Variants in ANKRD35 observed in about 807,000 individuals in gnomAD.
ANKRD35 encodes ankyrin repeat domain 35, also known as ankyrin repeat domain-containing protein 35.
ANKRD35 carries 102 observed loss-of-function variants against 109.9 expected under a neutral mutation model. The observed-to-expected ratio is 0.93, with a 90% CI of 0.79 to 1.09. The LOEUF (loss-of-function observed/expected upper bound fraction) is 1.09. Ranked by LOEUF, ANKRD35 falls within the 50% of genes least tolerant of loss-of-function variation. ANKRD35 has a pLI of 0.00. For synonymous variants in ANKRD35, 515 were observed against 512.4 expected, an observed-to-expected ratio of 1.01 and a Z score of -0.07; for missense variants, 1,240 against 1,230.1, an observed-to-expected ratio of 1.01 and a Z score of -0.12.
At chr1:145,871,146 CTTT>C (rs1553738531) in intron 10 of ANKRD35, among the ~76,000 whole-genome samples, 7 of 51,566 alleles carry the variant, frequency 1.4e-4, no homozygotes, top group East Asian at 7.1e-4. Context: ...TCTTTCTTTT[CTTT>C]TTTCTTTTTT....
Position 145,876,548 on chromosome 1 carries a change from A to T in ANKRD35, c.453+21T>A, listed in dbSNP as rs782097484. 1.4e-5 allele frequency: 22 copies of T among 1,614,130 alleles called. 2 individuals are homozygous for T. In the South Asian group the frequency reaches 2.4e-4, roughly 18 times the overall value. ...AGCCCTTCTGTGTAGGACACTGCCC[A>T]CTTGCCCATCTGACACTCACATTAT... On this transcript the variant is annotated intron_variant, in intron 6 of 13. Transcript: ENST00000355594.
intron 10 of ANKRD35, among the ~76,000 whole-genome samples, chr1:145,869,474 G>C (rs185155809): frequency 1.2e-4 from 18 of 149,870 alleles, no homozygotes; most frequent in African/African-American, 4.4e-4. Context: ...GAGCCACTGC[G>C]CCCAGCCTGT....
chr1:145,869,425 G>A (rs1299003808), intron 10 of ANKRD35, among the ~76,000 whole-genome samples: 1 of 151,786 alleles, frequency 6.6e-6, no homozygotes, highest in South Asian at 2.1e-4. Flanking sequence ...CAGGTGATCC[G>A]CCCACCTCAG....
In ANKRD35 at chr1:145,873,000, C is replaced by T; in HGVS notation, c.1769G>A (p.Gly590Glu). The T allele has an allele frequency of 6.2e-7, 1 of 1,610,176 alleles. No homozygotes were observed. The highest frequency in any genetic ancestry group is 8.5e-7 in the Non-Finnish European group (1 of 1,178,386). ...QDEEKEKRVP[G>E]AQGEPLGALG... Reference sequence around the variant, plus strand: ...GGCCCCTAGAGGCTCTCCTTGAGCCCCAGGAACCCTTTTCTCCTTCTCTTC... The same window carrying T: ...GGCCCCTAGAGGCTCTCCTTGAGCCTCAGGAACCCTTTTCTCCTTCTCTTC... Residue 590 changes from glycine to glutamate, a missense_variant, in exon 10 of 14, where the codon GGG (glycine) becomes GAG (glutamate). Transcript: ENST00000355594.
Position 145,876,131 on chromosome 1 carries a change from G to A in ANKRD35, c.560+9C>T, listed in dbSNP as rs367678777. On this transcript the variant is annotated intron_variant, in intron 7 of 13. Coordinates refer to ENST00000355594, the MANE Select transcript of ANKRD35 (RefSeq NM_144698.5). ...TGGGAATTGGGGTGCATAGACGAGG[G>A]GGGCTCACTTGTCATTCTTGTCTGT... 18 of 1,612,956 alleles carry A rather than the reference G, an allele frequency of 1.1e-5. No individual in the cohort carries two copies. Among genetic ancestry groups the A allele is most frequent in the Non-Finnish European group, 1.4e-5 (17 of 1,179,548 alleles).
At chr1:145,867,898 A>T (rs935075860) in intron 12 of ANKRD35, 93 bp downstream of exon 12, 19 of 1,242,614 alleles carry the variant, frequency 1.5e-5, no homozygotes. Context: ...GCAAGTGTGT[A>T]CAGGGACCCT....
chr1:145,872,473 C>G lies in ANKRD35; in HGVS notation c.2296G>C (p.Glu766Gln). 6.3e-7 allele frequency: 1 copy of G among 1,599,736 alleles called. No individual in the cohort carries two copies. Among genetic ancestry groups the G allele is most frequent in the Admixed American group, 1.8e-5 (1 of 56,716 alleles). Residue 766 changes from glutamate (E) to glutamine (Q), a missense_variant, in exon 10 of 14, where the codon GAG becomes CAG. Coordinates refer to ENST00000355594, the MANE Select transcript of ANKRD35 (RefSeq NM_144698.5). ...QLRGSLSPCR[E>Q]PGTSLKAPAS... is the part of the protein sequence containing the mutation. ...GGGGCCTTTAAGGAGGTGCCTGGCT[C>G]CCTACACGGGGACAAGGACCCCCGC... is the stretch of plus-strand genomic sequence containing the variant.
rs782138537 is a variant in ANKRD35 at position 145,872,626 on chromosome 1, C to T, written c.2143G>A (p.Glu715Lys). 9 of 1,613,994 alleles carry T rather than the reference C, an allele frequency of 5.6e-6. No individual in the cohort carries two copies. Among genetic ancestry groups the T allele is most frequent in the Non-Finnish European group, 7.6e-6 (9 of 1,179,928 alleles). ...GCTGCTTTGCTTTGTGCACTCCTCT[C>T]GCCCACTAGGTCTGCGGGCAGGCAG... Reference protein sequence around the residue: ...WDCLPADLVGERSAQSKAAES... With the variant: ...WDCLPADLVGKRSAQSKAAES... The change falls in exon 10 of 14, where the codon GAG (glutamate) becomes AAG (lysine). Residue 715 changes from glutamate (E) to lysine (K), a missense_variant. Glu to Lys is a moderately conservative substitution (Grantham distance 56, BLOSUM62 1). Transcript: ENST00000355594.
Position 145,872,684 on chromosome 1 carries a change from G to A in ANKRD35, c.2085C>T (p.Ala695=). ...EATEKLRKLL[A]SQSSGLRGLW... is the part of the protein sequence containing the mutation. ...GCCCTCGGAGACCGCTGCTCTGGGA[G>A]GCCAGGAGCTTCCGCAGCTTCTCTG... is the stretch of plus-strand genomic sequence containing the variant. Residue 695 remains alanine, a synonymous_variant, in exon 10 of 14, where the codon GCC becomes GCT. Coordinates refer to ENST00000355594, the MANE Select transcript of ANKRD35 (RefSeq NM_144698.5). 6.2e-7 allele frequency: 1 copy of A among 1,614,136 alleles called. No individual in the cohort carries two copies. The highest frequency in any genetic ancestry group is 8.5e-7 in the Non-Finnish European group (1 of 1,180,020).
At chr1:145,880,723 G>A (rs587716763) in intron 1 of ANKRD35, among the ~76,000 whole-genome samples, 7 of 152,260 alleles carry the variant, frequency 4.6e-5, no homozygotes, top group South Asian at 2.1e-4. Flanking sequence ...CACTGTTTAC[G>A]TAGCCAGGGC....
chr1:145,868,444 T>C, intron 10 of ANKRD35, 44 bp from the exon 11 acceptor site: 2 of 1,568,456 alleles, frequency 1.3e-6, no homozygotes, highest in Non-Finnish European at 1.8e-6. Flanking sequence ...CTCCAAGTCA[T>C]TTCTCCCACA....
At position 145,872,024 on chromosome 1, in the gene ANKRD35, CT is replaced by C; in HGVS notation, c.2744del (p.Lys915ArgfsTer20). The C allele has an allele frequency of 1.9e-6, 3 of 1,613,292 alleles. No homozygotes were observed. Among genetic ancestry groups the C allele is most frequent in the Non-Finnish European group, 2.5e-6 (3 of 1,179,988 alleles). ...GGCAAGCCCCAATGAGATGCTCCATCTTCTCTTTCAGCAGCTCTGCCGTTTT... is the reference window on the plus strand; with the variant it reads ...GGCAAGCCCCAATGAGATGCTCCATCTCTCTTTCAGCAGCTCTGCCGTTTT... ...FEKTAELLKE[K>X]MEHLIGACRD... On this transcript the variant is annotated frameshift_variant, in exon 10 of 14. Coordinates refer to ENST00000355594, the MANE Select transcript of ANKRD35 (RefSeq NM_144698.5). LOFTEE classifies it high-confidence loss of function.
chr1:145,884,601 A>G (rs1328465736), intron 1 of ANKRD35, among the ~76,000 whole-genome samples: 2 of 152,098 alleles, frequency 1.3e-5, no homozygotes, highest in African/African-American at 4.8e-5. Flanking sequence ...AAGAAGAAGC[A>G]ATACCCTCCC....
intron 4 of ANKRD35, among the ~76,000 whole-genome samples, chr1:145,877,605 T>A (rs1267135203): frequency 6.6e-6 from 1 of 152,246 alleles, no homozygotes; most frequent in East Asian, 1.9e-4. Flanking sequence ...TATTTCTCTT[T>A]ATACTACTAG....
rs782563462 is a variant in ANKRD35 at position 145,868,376 on chromosome 1, C to A, written c.2812G>T (p.Glu938Ter). Reference protein sequence around the residue: ...AKIKELLKKLEQLSEEVLAIR... With the variant: ...AKIKELLKKL ...GCTAGAACCTCTTCTGAAAGCTGCT[C>A]CAGCTTCTTCAACAACTCCTTGATC... The change falls in exon 11 of 14, where the codon GAG (glutamate) becomes TAG (stop). Residue 938 changes from glutamate (E) to a stop codon, truncating the protein, a stop_gained. Coordinates refer to ENST00000355594, the MANE Select transcript of ANKRD35 (RefSeq NM_144698.5). LOFTEE classifies it high-confidence loss of function. The A allele has an allele frequency of 3.1e-6, 5 of 1,614,188 alleles. No individual in the cohort carries two copies. Among genetic ancestry groups the A allele is most frequent in the Non-Finnish European group, 4.2e-6 (5 of 1,180,036 alleles).
At chr1:145,871,426 G>C (rs1194512659) in intron 10 of ANKRD35, among the ~76,000 whole-genome samples, 1 of 152,064 alleles carries the variant, frequency 6.6e-6, no homozygotes, top group Non-Finnish European at 1.5e-5. Context: ...GCATCCCAAA[G>C]TGCTGGGATT....
intron 13 of ANKRD35, among the ~76,000 whole-genome samples, chr1:145,867,034 C>T (rs958282721): frequency 2.0e-5 from 3 of 152,098 alleles, no homozygotes; most frequent in African/African-American, 7.2e-5. Flanking sequence ...CATCTCCCTA[C>T]CCCAGACCCA....
rs181463514 is a variant in ANKRD35 at position 145,884,457 on chromosome 1, A to G, written c.39+1263T>C. On this transcript the variant is annotated intron_variant, in intron 1 of 13. Coordinates refer to ENST00000355594, the MANE Select transcript of ANKRD35 (RefSeq NM_144698.5). ...TTTCTGATATTTTCTTATGAACGAT[A>G]CTACTAAGTCAAGTTAGCAAAGCAA... 2.6e-5 allele frequency among the ~76,000 whole-genome samples: 4 copies of G among 152,338 alleles called. No individual in the cohort carries two copies. The East Asian group carries it at 7.7e-4, about 29-fold the overall frequency.
chr1:145,877,942 G>T (rs1553740427), intron 4 of ANKRD35, 26 bp downstream of exon 4: 1 of 1,606,346 alleles, frequency 6.2e-7, no homozygotes, highest in South Asian at 1.1e-5. Flanking sequence ...CCCTTCATAA[G>T]AGTGGTATCA....
Sources: allele counts gnomAD v4.1 joint callset (sites outside exome capture counted in the v4.1 genomes callset), GRCh38; gene constraint gnomAD v4.1.1; transcripts MANE v1.5; gene names NCBI Gene and HGNC (gene_info 2026-07-23, HGNC 2026-07-21).